Variants in CSPP1 observed in about 807,000 individuals in gnomAD.
CSPP1 encodes centrosome and spindle pole-associated protein 1.
In CSPP1, 126 loss-of-function variants were observed where a neutral mutation model predicts 164.4. The ratio of observed to expected loss-of-function variants is 0.77; its 90% CI spans 0.66 to 0.89. The LOEUF (loss-of-function observed/expected upper bound fraction) is 0.89. Among genes scored for constraint, CSPP1 ranks in the 40% least tolerant of loss-of-function variants. The pLI is 0.00. For missense variants in CSPP1, 1,395 were observed against 1,449.8 expected (o/e 0.96, Z 0.61); for synonymous variants, 472 against 476.7 (o/e 0.99, Z 0.13).
chr8:67,176,306 A>G (rs1014181675), intron 26 of CSPP1, among the ~76,000 whole-genome samples: 3 of 152,068 alleles, frequency 2.0e-5, no homozygotes, highest in Non-Finnish European at 4.4e-5. Context: ...AAAAGTTAAG[A>G]CCCTATCTTG....
chr8:67,131,847 AT>A (rs1821297770), intron 15 of CSPP1, 103 bp from the exon 16 acceptor site: 1 of 1,030,478 alleles, frequency 9.7e-7, no homozygotes, highest in Non-Finnish European at 1.4e-6. Context: ...ATCCTTCTGT[AT>A]TTTTAAATGT....
intron 17 of CSPP1, among the ~76,000 whole-genome samples, chr8:67,148,547 G>T (rs954782817): frequency 1.3e-5 from 2 of 152,056 alleles, no homozygotes; most frequent in African/African-American, 4.8e-5. Context: ...CCTAAATATT[G>T]TAACAGAATG....
intron 3 of CSPP1, among the ~76,000 whole-genome samples, chr8:67,085,482 A>G (rs1423199079): frequency 6.6e-6 from 1 of 152,040 alleles, no homozygotes; most frequent in Non-Finnish European, 1.5e-5. Context: ...AAATCATGTT[A>G]TTAGTTTTCC....
At chr8:67,192,310 G>T (rs183865332) in intron 29 of CSPP1, among the ~76,000 whole-genome samples, 1 of 151,918 alleles carries the variant, frequency 6.6e-6, no homozygotes, top group African/African-American at 2.4e-5. Context: ...CCTAACCTCG[G>T]GTGATCCACC....
chr8:67,146,461 T>C (rs1824585268), intron 17 of CSPP1, among the ~76,000 whole-genome samples: 1 of 152,156 alleles, frequency 6.6e-6, no homozygotes, highest in Non-Finnish European at 1.5e-5. Context: ...TGTTTTTAAG[T>C]TTGTGAGATT....
intron 18 of CSPP1, among the ~76,000 whole-genome samples, chr8:67,150,414 T>C (rs539489111): frequency 1.1e-3 from 175 of 152,256 alleles, no homozygotes; most frequent in African/African-American, 3.9e-3. Context: ...TGTTGTTTTT[T>C]TTTTTGTGAG....
chr8:67,150,680 C>T (rs537122269), intron 18 of CSPP1, among the ~76,000 whole-genome samples: 10 of 152,298 alleles, frequency 6.6e-5, no homozygotes, highest in East Asian at 1.9e-4. Context: ...GGATTACAGG[C>T]GTGAGCCATC....
chr8:67,085,309 G>A (rs1284355575), intron 3 of CSPP1, among the ~76,000 whole-genome samples: 2 of 151,384 alleles, frequency 1.3e-5, no homozygotes, highest in Non-Finnish European at 2.9e-5. Flanking sequence ...ATCAGAAGTG[G>A]TTTAACTTTA....
At chr8:67,110,619 C>A (rs1477471302) in intron 9 of CSPP1, among the ~76,000 whole-genome samples, 1 of 152,194 alleles carries the variant, frequency 6.6e-6, no homozygotes, top group East Asian at 1.9e-4. Flanking sequence ...TGCTCCATAA[C>A]TTCTAGCCAT....
intron 15 of CSPP1, among the ~76,000 whole-genome samples, chr8:67,131,684 A>AT (rs1023043474): frequency 6.6e-6 from 1 of 152,188 alleles, no homozygotes; most frequent in African/African-American, 2.4e-5. Flanking sequence ...TGTTCAATGA[A>AT]TTACCACAAA....
chr8:67,172,389 A>G (rs375679011), intron 24 of CSPP1, 27 bp from the exon 25 acceptor site: 16 of 1,586,706 alleles, frequency 1.0e-5, no homozygotes, highest in Non-Finnish European at 1.4e-5. Context: ...TGTGAAGCAC[A>G]TATTATGATT....
Position 67,186,492 on chromosome 8 carries a change from C to A in CSPP1, c.3221-4158C>A, listed in dbSNP as rs183427860. On this transcript the variant is annotated intron_variant, in intron 28 of 30. Transcript: ENST00000678616. ...ACAAATCTGATAACCTAAAGTCTAC[C>A]ACCCATTTATGGTAACTCAGCAAAC... Among the ~76,000 whole-genome samples the A allele has an allele frequency of 4.6e-5, 7 of 151,490 alleles. No individual in the cohort carries two copies. The East Asian group carries it at 1.2e-3, about 25-fold the overall frequency.
In CSPP1 at chr8:67,118,370, G is replaced by C; in HGVS notation, c.1618+1G>C. ...ACTTTCGATCCCAGTCTTGCTTATT[G>C]TAAGTTATCTATAGGGTAAGCATTT... On this transcript the variant is annotated splice_donor_variant, in intron 14 of 30. Coordinates refer to ENST00000678616, the MANE Select transcript of CSPP1 (RefSeq NM_001382391.1). LOFTEE classifies it high-confidence loss of function. The C allele has an allele frequency of 2.5e-6, 4 of 1,613,394 alleles. No homozygotes were observed. The highest frequency in any genetic ancestry group is 3.4e-6 in the Non-Finnish European group (4 of 1,179,592).
intron 24 of CSPP1, among the ~76,000 whole-genome samples, chr8:67,170,671 C>T (rs1830290706): frequency 6.6e-6 from 1 of 152,086 alleles, no homozygotes; most frequent in African/African-American, 2.4e-5. Context: ...AAGGCTGAAT[C>T]ATTCTATTGT....
At chr8:67,074,804 A>G in intron 2 of CSPP1, 1 of 303,576 alleles carries the variant, frequency 3.3e-6, no homozygotes, top group South Asian at 2.7e-5. Context: ...TTTTTGAGAT[A>G]GAATCTCGCT....
intron 24 of CSPP1, among the ~76,000 whole-genome samples, chr8:67,168,228 G>T (rs1829836621): frequency 6.6e-6 from 1 of 151,640 alleles, no homozygotes; most frequent in Non-Finnish European, 1.5e-5. Context: ...GGAGGTTGCA[G>T]TGAGCCGAGA....
chr8:67,147,360 T>C (rs1824800340), intron 17 of CSPP1, among the ~76,000 whole-genome samples: 1 of 152,308 alleles, frequency 6.6e-6, no homozygotes, highest in Non-Finnish European at 1.5e-5. Flanking sequence ...CCCAGTCCCT[T>C]CTCTTTGCAT....
chr8:67,095,329 G>A lies in CSPP1; in HGVS notation c.520G>A (p.Val174Ile). ...GAGAAATAAAAAACCTATTGGTCAAGTTAAGCCTGATCTAACTTCACAAAT... is the reference window on the plus strand; with the variant it reads ...GAGAAATAAAAAACCTATTGGTCAAATTAAGCCTGATCTAACTTCACAAAT... Reference protein sequence around the residue: ...SQRNKKPIGQVKPDLTSQIQT... With the variant: ...SQRNKKPIGQIKPDLTSQIQT... The change falls in exon 7 of 31, where the codon GTT becomes ATT. Residue 174 changes from valine (V) to isoleucine (I), a missense_variant. Coordinates refer to ENST00000678616, the MANE Select transcript of CSPP1 (RefSeq NM_001382391.1). The A allele has an allele frequency of 6.3e-7, 1 of 1,595,076 alleles. No individual in the cohort carries two copies. The highest frequency in any genetic ancestry group is 8.5e-7 in the Non-Finnish European group (1 of 1,175,200).
intron 26 of CSPP1, among the ~76,000 whole-genome samples, 166 bp from the exon 27 acceptor site, chr8:67,177,514 C>G (rs1831983333): frequency 6.6e-6 from 1 of 152,124 alleles, no homozygotes; most frequent in Admixed American, 6.5e-5. Context: ...AGAATGGATG[C>G]AGGGCTATGT....
Sources: allele counts gnomAD v4.1 joint callset (sites outside exome capture counted in the v4.1 genomes callset), GRCh38; gene constraint gnomAD v4.1.1; transcripts MANE v1.5; gene names NCBI Gene and HGNC (gene_info 2026-07-23, HGNC 2026-07-21).